TSC2: variants seen among roughly 807,000 people sequenced by gnomAD.
TSC2 encodes tuberin.
In TSC2, 29 loss-of-function variants were observed where a neutral mutation model predicts 202.2. The ratio of observed to expected loss-of-function variants is 0.14; its 90% CI spans 0.11 to 0.20. The LOEUF is 0.20. Among genes scored for constraint, TSC2 ranks in the 10% least tolerant of loss-of-function variants. The pLI is 1.00. For synonymous variants in TSC2, 1,349 were observed against 1,044.0 expected, an observed-to-expected ratio of 1.29 and a Z score of -5.63; for missense variants, 2,429 against 2,420.0, an observed-to-expected ratio of 1.00 and a Z score of -0.08.
chr16:2,085,623 A>AG (rs1596430958), intron 36 of TSC2, among the ~76,000 whole-genome samples: 1 of 152,032 alleles, frequency 6.6e-6, no homozygotes, highest in African/African-American at 2.4e-5. Context: ...CTGAGTGGTG[A>AG]GGGAGCGGGC....
intron 14 of TSC2, 121 bp downstream of exon 14, chr16:2,063,174 C>T: frequency 8.4e-7 from 1 of 1,192,452 alleles, no homozygotes; most frequent in Non-Finnish European, 1.2e-6. Flanking sequence ...CCTGCCGGAC[C>T]CTCTGCAGCC....
rs373508609 is a variant in TSC2, at chr16:2,083,702, C to T, written c.3891C>T (p.Ala1297=). Residue 1297 remains alanine, a synonymous_variant, in exon 33 of 42, where the codon GCC becomes GCT. Coordinates refer to ENST00000219476, the MANE Select transcript of TSC2 (RefSeq NM_000548.5). ...CCGTCTGTGTCCTCCCAGACTCCGCCGTGGTCATGGAGGAGGGAAGTCCGG... is the reference window on the plus strand; with the variant it reads ...CCGTCTGTGTCCTCCCAGACTCCGCTGTGGTCATGGAGGAGGGAAGTCCGG... ...LHRSVSWADS[A]VVMEEGSPGE... is the part of the protein sequence containing the mutation. 21 of 1,585,690 alleles carry T rather than the reference C, an allele frequency of 1.3e-5. No individual in the cohort carries two copies. Among genetic ancestry groups the T allele is most frequent in the South Asian group, 2.3e-5 (2 of 86,998 alleles).
At chr16:2,078,878 C>G in intron 26 of TSC2, 154 bp from the exon 27 acceptor site, 1 of 945,660 alleles carries the variant, frequency 1.1e-6, no homozygotes, top group Non-Finnish European at 1.7e-6. Context: ...CCACGTGATT[C>G]TCAAGCTGAG....
chr16:2,049,362 A>G (rs935022479), intron 2 of TSC2, among the ~76,000 whole-genome samples: 10 of 151,954 alleles, frequency 6.6e-5, no homozygotes, highest in African/African-American at 2.4e-4. Flanking sequence ...CTGGGATTAC[A>G]GGCATGAGCC....
rs770525920 is a variant in TSC2 at position 2,076,618 on chromosome 16, G to A, written c.2837+33G>A. 7 of 1,609,406 alleles carry A rather than the reference G, an allele frequency of 4.3e-6. No individual in the cohort carries two copies. In the East Asian group the frequency reaches 1.6e-4, roughly 36 times the overall value. ...CTGCGGGGGTGTGCCTGGAGTCGGT[G>A]TGGGGTGGGGAAGGACATGGGGCTG... On this transcript the variant is annotated intron_variant, in intron 25 of 41. Transcript: ENST00000219476.
At chr16:2,081,889 G>A (rs941412782) in intron 31 of TSC2, 91 bp downstream of exon 31, 64 of 1,516,840 alleles carry the variant, frequency 4.2e-5, no homozygotes, top group Admixed American at 1.7e-4. Context: ...TGCTGAGGGC[G>A]CCCACACGGC....
intron 16 of TSC2, among the ~76,000 whole-genome samples, chr16:2,067,609 A>G (rs1364735610): frequency 6.6e-6 from 1 of 152,070 alleles, no homozygotes; most frequent in Non-Finnish European, 1.5e-5. Context: ...CGTCTCTACT[A>G]AAAATACAAA....
rs1164913119 is a variant in TSC2 at position 2,074,853 on chromosome 16, A to G, written c.2545+464A>G. 2.4e-5 allele frequency: 6 copies of G among 254,480 alleles called. No individual in the cohort carries two copies. In the East Asian group the frequency reaches 5.5e-4, roughly 23 times the overall value. 15.8% of individuals were successfully genotyped at this position (254,480 alleles called of 1,614,324 possible). A position where few individuals can be genotyped will look rare whatever the true frequency, so the allele number is the denominator to read the frequency against. ...ACTTGGTGTAGAGGCTGGAGAGAAG[A>G]TCGTGTGTGCTTTGTGGGCCACATG... is the stretch of plus-strand genomic sequence containing the variant. On this transcript the variant is annotated intron_variant, in intron 22 of 41. Transcript: ENST00000219476.
intron 14 of TSC2, chr16:2,064,041 C>T (rs928513329): frequency 1.1e-4 from 71 of 629,834 alleles, no homozygotes; most frequent in East Asian, 5.4e-4. Flanking sequence ...TGTGCCCGGC[C>T]GCCCTGCGGT....
chr16:2,084,918 C>G (rs1250585695), intron 34 of TSC2, 33 bp from the exon 35 acceptor site: 2 of 1,612,538 alleles, frequency 1.2e-6, no homozygotes, highest in Admixed American at 3.3e-5. Context: ...GCCAGGCCCT[C>G]ACCTGGGTGC....
chr16:2,053,242 G>A (rs924317711), intron 3 of TSC2, 100 bp from the exon 4 acceptor site: 12 of 1,213,882 alleles, frequency 9.9e-6, no homozygotes, highest in African/African-American at 7.5e-5. Context: ...ACAAGCCCCC[G>A]TTGTTCCTCC....
rs142425350 is a variant in TSC2 at position 2,051,135 on chromosome 16, C to T, written c.225+649C>T. Among the ~76,000 whole-genome samples, 940 of 151,826 alleles carry T rather than the reference C, an allele frequency of 6.2e-3. 5 individuals carry two copies. The highest frequency in any genetic ancestry group is 0.01 in the Non-Finnish European group (680 of 67,930). On this transcript the variant is annotated intron_variant, in intron 3 of 41. Coordinates refer to ENST00000219476, the MANE Select transcript of TSC2 (RefSeq NM_000548.5). ...GGTCAGGAGTTCAAGACCACTCTGG[C>T]CAACATGGCGAAACCCCGTCTGTAC... is the stretch of plus-strand genomic sequence containing the variant.
In TSC2 at chr16:2,057,131, C is replaced by T; in HGVS notation, c.801C>T (p.His267=). ...TGATGCGGAACCTCCTTGGCACCCA[C>T]CTGGGCCACAGCGCCATCTACAACA... is the stretch of plus-strand genomic sequence containing the variant. The part of the protein sequence containing the change: ...WKLMRNLLGT[H]LGHSAIYNMC... Residue 267 remains histidine, a synonymous_variant, in exon 9 of 42, where the codon CAC becomes CAT. Transcript: ENST00000219476. 6.4e-7 allele frequency: 1 copy of T among 1,551,650 alleles called. No individual in the cohort carries two copies. The highest frequency in any genetic ancestry group is 8.7e-7 in the Non-Finnish European group (1 of 1,147,026).
intron 2 of TSC2, among the ~76,000 whole-genome samples, chr16:2,049,005 C>T (rs2084736759): frequency 6.6e-6 from 1 of 152,152 alleles, no homozygotes; most frequent in African/African-American, 2.4e-5. Context: ...TAGATGAGGC[C>T]TGAGTATCAT....
chr16:2,064,731 C>T, intron 15 of TSC2: 2 of 498,640 alleles, frequency 4.0e-6, no homozygotes, highest in South Asian at 4.2e-5. Context: ...GTCCTCCCTG[C>T]CCAGCCAACA....
rs752568102 is a variant in TSC2 at position 2,079,471 on chromosome 16, C to T, written c.3284+43C>T. ...TCCTCCGCGCCTGCCAGCCTCGACA[C>T]CGGCTGTCCCGAGCCCAGGCCCACG... On this transcript the variant is annotated intron_variant, in intron 28 of 41. Transcript: ENST00000219476. This position sits in a 1 kb window ranked among gnomAD's most constrained non-coding sequence, Gnocchi z 4.6. The T allele has an allele frequency of 6.2e-7, 1 of 1,611,664 alleles. No homozygotes were observed. Among genetic ancestry groups the T allele is most frequent in the Admixed American group, 1.7e-5 (1 of 59,868 alleles).
At chr16:2,081,246 G>C in intron 30 of TSC2, 1 of 389,116 alleles carries the variant, frequency 2.6e-6, no homozygotes, top group Admixed American at 3.7e-5. Flanking sequence ...GACAGAGGGA[G>C]GCCTTTGCAG....
Position 2,079,764 on chromosome 16 carries a change from GGGGTGGCTGGCTTCA to G in TSC2, c.3397+98_3397+112del. 1 of 1,324,858 alleles carries G rather than the reference GGGGTGGCTGGCTTCA, an allele frequency of 7.5e-7. No homozygotes were observed. Among genetic ancestry groups the G allele is most frequent in the Non-Finnish European group, 1.0e-6 (1 of 975,614 alleles). The allele number at this position is 1,324,858 out of a possible 1,614,324, so 82.1% of individuals were successfully genotyped here. ...CAGGAAGGCCCCGAGCCCAGGGGCC[GGGGTGGCTGGCTTCA>G]GGCCCGGCCCACGTCCTGACTCTGG... On this transcript the variant is annotated intron_variant, in intron 29 of 41. Coordinates refer to ENST00000219476, the MANE Select transcript of TSC2 (RefSeq NM_000548.5). This position sits in a 1 kb window ranked among gnomAD's most constrained non-coding sequence, Gnocchi z 4.6.
intron 22 of TSC2, chr16:2,074,832 GGTGTA>G (rs1446395926): frequency 7.0e-6 from 2 of 285,970 alleles, no homozygotes; most frequent in Non-Finnish European, 1.4e-5. Flanking sequence ...GCCCGCACTT[GGTGTA>G]GAGGCTGGAG....
Sources: gnomAD v4.1 joint callset for allele counts (sites outside exome capture counted in the v4.1 genomes callset) on GRCh38, gnomAD v4.1.1 for gene constraint, Gnocchi (gnomAD v3.1) non-coding constraint, MANE v1.5 for transcripts, NCBI Gene and HGNC (gene_info 2026-07-23, HGNC 2026-07-21) for gene names.